Variants in PEX1 observed in about 807,000 individuals in gnomAD.
PEX1 encodes the protein peroxisomal ATPase PEX1.
Under a neutral mutation model 152.5 loss-of-function variants are expected in PEX1, and 97 were observed. The ratio of observed to expected loss-of-function variants is 0.64; its 90% CI spans 0.54 to 0.75. The LOEUF (loss-of-function observed/expected upper bound fraction) is 0.75, where lower values mean the gene tolerates loss of function less well. Among genes scored for constraint, PEX1 ranks in the 30% least tolerant of loss-of-function variants. The pLI, the probability that PEX1 is intolerant of heterozygous loss-of-function variation, is 0.00. For missense variants in PEX1, 1,357 were observed against 1,516.3 expected, an observed-to-expected ratio of 0.89 and a Z score of 1.74; for synonymous variants, 485 against 531.6, an observed-to-expected ratio of 0.91 and a Z score of 1.21.
chr7:92,504,363 A>G (rs1341756462), intron 12 of PEX1, among the ~76,000 whole-genome samples: 1 of 152,090 alleles, frequency 6.6e-6, no homozygotes, highest in Non-Finnish European at 1.5e-5. Flanking sequence ...CATTATTAGT[A>G]TCGTTCTGCG....
At chr7:92,490,035 G>T in intron 21 of PEX1, 124 bp from the exon 22 acceptor site, 1 of 787,784 alleles carries the variant, frequency 1.3e-6, no homozygotes, top group Non-Finnish European at 2.1e-6. Context: ...AAGTATACAT[G>T]TTAATTAACT....
intron 17 of PEX1, 30 bp from the exon 18 acceptor site, chr7:92,494,659 G>A (rs761258062): frequency 6.2e-7 from 1 of 1,610,308 alleles, no homozygotes; most frequent in East Asian, 2.2e-5. Context: ...TTTCATATTT[G>A]AATCAGGCTT....
chr7:92,501,855 A>T, intron 14 of PEX1, 35 bp downstream of exon 14: 1 of 1,554,172 alleles, frequency 6.4e-7, no homozygotes, highest in Non-Finnish European at 8.9e-7. Flanking sequence ...AATAGAAAGA[A>T]GATTCCAAGT....
At chr7:92,514,603 T>C (rs1792636025) in intron 5 of PEX1, among the ~76,000 whole-genome samples, 1 of 152,208 alleles carries the variant, frequency 6.6e-6, no homozygotes, top group Non-Finnish European at 1.5e-5. Context: ...ATCTGCCTGA[T>C]TGTCTGATTA....
rs61750414 is a variant in PEX1, at chr7:92,501,913, CGA to C, written c.2391_2392del (p.Arg798SerfsTer35). 3.7e-6 allele frequency: 6 copies of C among 1,613,638 alleles called. No individual in the cohort carries two copies. In the East Asian group the frequency reaches 1.3e-4, roughly 36 times the overall value. On this transcript the variant is annotated frameshift_variant, in exon 14 of 24. Coordinates refer to ENST00000248633, the MANE Select transcript of PEX1 (RefSeq NM_000466.3). LOFTEE classifies it high-confidence loss of function. ...ACTTTCTCTGGTGGATATACTCTGACGAGAGAGTCGAGAATGTATGGCTCGAT... is the reference window on the plus strand; with the variant it reads ...ACTTTCTCTGGTGGATATACTCTGACGAGAGTCGAGAATGTATGGCTCGAT...
At chr7:92,490,867 C>A (rs1791267652) in intron 21 of PEX1, among the ~76,000 whole-genome samples, 1 of 152,178 alleles carries the variant, frequency 6.6e-6, no homozygotes, top group Admixed American at 6.5e-5. Context: ...GCTTACTATG[C>A]AGCAAAAGTA....
Position 92,517,749 on chromosome 7 carries a change from G to T in PEX1, c.766C>A (p.Gln256Lys). The T allele has an allele frequency of 6.3e-7, 1 of 1,598,804 alleles. No homozygotes were observed. ...GATGTCTCTTGTTTCTTCTCAGATTGAAAGGAAAAAATGCTTCCTATCATA... is the reference window on the plus strand; with the variant it reads ...GATGTCTCTTGTTTCTTCTCAGATTTAAAGGAAAAAATGCTTCCTATCATA... ...WTMIGSIFSF[Q>K]SEKKQETSWG... is the part of the protein sequence containing the mutation. The change falls in exon 5 of 24, where the codon CAA becomes AAA. Residue 256 changes from glutamine (Q) to lysine (K), a missense_variant. By Grantham distance (53) the Gln-to-Lys change is moderately conservative. Coordinates refer to ENST00000248633, the MANE Select transcript of PEX1 (RefSeq NM_000466.3).
chr7:92,490,816 A>C (rs778065847), intron 21 of PEX1, among the ~76,000 whole-genome samples: 1 of 152,188 alleles, frequency 6.6e-6, no homozygotes, highest in East Asian at 1.9e-4. Context: ...CATTTAATCA[A>C]AACACTTTCC....
chr7:92,501,657 T>C lies in PEX1; in HGVS notation c.2433A>G (p.Thr811=), dbSNP rs1207308367. 4 of 1,613,644 alleles carry C rather than the reference T, an allele frequency of 2.5e-6. No homozygotes were observed. The highest frequency in any genetic ancestry group is 3.4e-6 in the Non-Finnish European group (4 of 1,179,576). ...CGCGGAGAGCCTTTTGGAAGTCCAA[T>C]GTTGTTAAAACTAATTCTGTTTAAA... The part of the protein sequence containing the change: ...ISTREKLVLT[T]LDFQKALRGF... Residue 811 remains threonine, a synonymous_variant, in exon 15 of 24, where the codon ACA becomes ACG. Coordinates refer to ENST00000248633, the MANE Select transcript of PEX1 (RefSeq NM_000466.3).
At chr7:92,507,502 C>T (rs1002673629) in intron 9 of PEX1, 9 of 227,930 alleles carry the variant, frequency 3.9e-5, no homozygotes, top group Admixed American at 1.0e-4. Flanking sequence ...CCATCTGCCT[C>T]GGCCCCACAA....
intron 19 of PEX1, 173 bp downstream of exon 19, chr7:92,494,120 A>G: frequency 1.6e-6 from 1 of 619,344 alleles, no homozygotes. Context: ...GGCCAAAAAA[A>G]GGCTTTGCAT....
At chr7:92,502,111 A>G (rs778721993) in intron 13 of PEX1, 32 bp from the exon 14 acceptor site, 1 of 1,404,222 alleles carries the variant, frequency 7.1e-7, no homozygotes, top group Non-Finnish European at 1.0e-6. Flanking sequence ...TCGAATTTCC[A>G]ATTGTATTCA....
chr7:92,488,700 T>C (rs1243408102), intron 23 of PEX1, among the ~76,000 whole-genome samples: 1 of 152,182 alleles, frequency 6.6e-6, no homozygotes, highest in Non-Finnish European at 1.5e-5. Flanking sequence ...AACTTTTAAT[T>C]TTCCTTCTTA....
intron 5 of PEX1, among the ~76,000 whole-genome samples, chr7:92,516,574 T>C (rs898088586): frequency 2.0e-5 from 3 of 152,238 alleles, no homozygotes; most frequent in Admixed American, 1.3e-4. Context: ...TTTTATTCTC[T>C]TTCCTAACAA....
chr7:92,492,668 T>C (rs1791401976), intron 20 of PEX1, among the ~76,000 whole-genome samples: 1 of 152,238 alleles, frequency 6.6e-6, no homozygotes, highest in African/African-American at 2.4e-5. Flanking sequence ...TTGTTTGTAG[T>C]ATTTAATTCA....
In PEX1 at chr7:92,489,606, C is replaced by A. The variant is rs1224255574; in HGVS notation, c.3636+108G>T. 7 of 1,091,802 alleles carry A rather than the reference C, an allele frequency of 6.4e-6. No homozygotes were observed. In the Admixed American group the frequency reaches 1.4e-4, roughly 21 times the overall value. The allele number at this position is 1,091,802 out of a possible 1,614,324, so 67.6% of individuals were successfully genotyped here. ...ATGACTGAGTTAATGTGTTCTGGTC[C>A]CTTGTTTATAAATATAGCTCGTTTA... On this transcript the variant is annotated intron_variant, in intron 22 of 23. Coordinates refer to ENST00000248633, the MANE Select transcript of PEX1 (RefSeq NM_000466.3).
intron 8 of PEX1, 119 bp from the exon 9 acceptor site, chr7:92,509,530 G>T: frequency 1.4e-6 from 1 of 700,662 alleles, no homozygotes. Context: ...AATTATGCAT[G>T]CAAGATCATT....
At chr7:92,506,213 A>G (rs965792852) in intron 11 of PEX1, 35 bp downstream of exon 11, 5 of 1,113,798 alleles carry the variant, frequency 4.5e-6, no homozygotes, top group Non-Finnish European at 6.9e-6. Context: ...TTCTAATGAA[A>G]AAGGGATTTA....
chr7:92,492,503 T>C (rs896175983), intron 20 of PEX1, among the ~76,000 whole-genome samples: 2 of 152,122 alleles, frequency 1.3e-5, no homozygotes, highest in African/African-American at 4.8e-5. Flanking sequence ...GAGGAAGTGA[T>C]TCAAGAATGA....
Sources: allele counts gnomAD v4.1 joint callset (sites outside exome capture counted in the v4.1 genomes callset), GRCh38; gene constraint gnomAD v4.1.1; transcripts MANE v1.5; gene names NCBI Gene and HGNC (gene_info 2026-07-23, HGNC 2026-07-21).